The following CCDC141 variants were observed in gnomAD, a reference collection of about 807,000 sequenced individuals.
The protein encoded by CCDC141 is coiled-coil domain containing 141.
In CCDC141, 168 loss-of-function variants were observed where a neutral mutation model predicts 181.0. The ratio of observed to expected loss-of-function variants is 0.93; its 90% CI spans 0.82 to 1.05. The LOEUF (loss-of-function observed/expected upper bound fraction) is 1.05, where lower values mean the gene tolerates loss of function less well. Among genes scored for constraint, CCDC141 ranks in the 50% least tolerant of loss-of-function variants. The probability of loss-of-function intolerance (pLI) is 0.00; values close to 1 mark genes in which losing one functional copy is unlikely to be tolerated. For synonymous variants in CCDC141, 666 were observed against 642.3 expected (o/e 1.04, Z -0.56); for missense variants, 1,902 against 1,788.5 (o/e 1.06, Z -1.14).
Position 178,872,217 on chromosome 2 carries a change from G to A in CCDC141, c.1995C>T (p.Leu665=). 6.2e-7 allele frequency: 1 copy of A among 1,614,024 alleles called. No homozygotes were observed. ...NQKAEREELS[L]LRLAWQLKAT... ...CTTTAAGCTGCCATGCCAGCCGAAG[G>A]AGGCTAAGTTCTTCCCGTTCTGCTT... Residue 665 remains leucine, a synonymous_variant, in exon 13 of 24, where the codon CTC becomes CTT. Coordinates refer to ENST00000443758, the MANE Select transcript of CCDC141 (RefSeq NM_173648.4).
chr2:178,891,590 C>T (rs1351226990), intron 8 of CCDC141, among the ~76,000 whole-genome samples: 1 of 152,132 alleles, frequency 6.6e-6, no homozygotes, highest in East Asian at 1.9e-4. Context: ...GCAATGCCTG[C>T]TGTAGTTTTC....
chr2:178,946,039 T>C (rs903880142), intron 5 of CCDC141, among the ~76,000 whole-genome samples: 1 of 152,214 alleles, frequency 6.6e-6, no homozygotes, highest in African/African-American at 2.4e-5. Flanking sequence ...TTTCTGCTAA[T>C]TGGAAATGTC....
chr2:178,865,632 T>C, intron 17 of CCDC141, 135 bp downstream of exon 17: 1 of 856,182 alleles, frequency 1.2e-6, no homozygotes, highest in Non-Finnish European at 1.6e-6. Context: ...AAGAAATAAG[T>C]GAGAAGAAAG....
At chr2:178,935,115 A>G (rs951819103) in intron 6 of CCDC141, among the ~76,000 whole-genome samples, 8 of 151,980 alleles carry the variant, frequency 5.3e-5, no homozygotes, top group Admixed American at 1.3e-4. Flanking sequence ...TTTCACAAAC[A>G]TTTTCTTTTT....
chr2:179,009,227 G>C (rs1039384881), intron 2 of CCDC141, among the ~76,000 whole-genome samples: 2 of 152,098 alleles, frequency 1.3e-5, no homozygotes, highest in Non-Finnish European at 2.9e-5. Context: ...TTTTATATGA[G>C]TTTCTGCTGA....
Position 178,872,197 on chromosome 2 carries a change from A to G in CCDC141, c.2015T>C (p.Leu672Pro). 1 of 1,613,946 alleles carries G rather than the reference A, an allele frequency of 6.2e-7. No homozygotes were observed. The highest frequency in any genetic ancestry group is 8.5e-7 in the Non-Finnish European group (1 of 1,179,960). Reference sequence around the variant, plus strand: ...TCCAGGCTTGCTTTCCGTGGCTTTAAGCTGCCATGCCAGCCGAAGGAGGCT... The same window carrying G: ...TCCAGGCTTGCTTTCCGTGGCTTTAGGCTGCCATGCCAGCCGAAGGAGGCT... ...ELSLLRLAWQ[L>P]KATESKPGKQ... The change falls in exon 13 of 24, where the codon CTT becomes CCT. Residue 672 changes from leucine (L) to proline (P), a missense_variant. Transcript: ENST00000443758.
chr2:178,846,816 T>C (rs561900464), intron 21 of CCDC141, among the ~76,000 whole-genome samples: 1 of 152,332 alleles, frequency 6.6e-6, no homozygotes, highest in South Asian at 2.1e-4. Flanking sequence ...CTCAACATTA[T>C]TTGGAAATCA....
chr2:179,002,698 T>G (rs4893861), intron 2 of CCDC141: 1 of 157,174 alleles, frequency 6.4e-6, no homozygotes, highest in East Asian at 1.9e-4. Flanking sequence ...CAAAAAAATA[T>G]GCCAGGAGCA....
downstream of CCDC141, among the ~76,000 whole-genome samples, chr2:178,827,881 G>A (rs1206007566): frequency 6.6e-6 from 1 of 152,274 alleles, no homozygotes; most frequent in African/African-American, 2.4e-5. Flanking sequence ...AAAGTCCAAA[G>A]TCTAAGCCAA....
At chr2:179,043,666 G>T (rs1180876610) in intron 2 of CCDC141, among the ~76,000 whole-genome samples, 2 of 152,240 alleles carry the variant, frequency 1.3e-5, no homozygotes, top group African/African-American at 4.8e-5. Context: ...GGTATTGAAG[G>T]AACATACCTC....
chr2:178,961,889 T>C (rs1690417621), intron 4 of CCDC141, among the ~76,000 whole-genome samples: 1 of 152,146 alleles, frequency 6.6e-6, no homozygotes, highest in Admixed American at 6.5e-5. Flanking sequence ...AAAAACTCAA[T>C]AAATGTGGTG....
At position 178,856,385 on chromosome 2, in the gene CCDC141, A is replaced by G. The variant is rs1214250760; in HGVS notation, c.2737T>C (p.Phe913Leu). 1 of 1,590,740 alleles carries G rather than the reference A, an allele frequency of 6.3e-7. No individual in the cohort carries two copies. The highest frequency in any genetic ancestry group is 1.1e-5 in the South Asian group (1 of 89,154). Residue 913 changes from phenylalanine to leucine, a missense_variant, in exon 18 of 24, where the codon TTC becomes CTC. Physicochemically the swap from Phe to Leu is conservative, Grantham distance 22. Coordinates refer to ENST00000443758, the MANE Select transcript of CCDC141 (RefSeq NM_173648.4). The part of the protein sequence containing the change: ...RDEINELKDS[F>L]KDIKKKFNNL... The stretch of plus-strand genomic sequence containing the variant: ...TTGAATTTCTTTTTGATATCTTTGA[A>G]TGAGTCTTTGAGCTGTAGTTCAATA...
At position 178,877,980 on chromosome 2, in the gene CCDC141, AG is replaced by A. The variant is rs755678061; in HGVS notation, c.1882del (p.Asn629IlefsTer2). On this transcript the variant is annotated frameshift_variant, in exon 12 of 24. Coordinates refer to ENST00000443758, the MANE Select transcript of CCDC141 (RefSeq NM_173648.4). LOFTEE classifies it high-confidence loss of function. ...CATTCTTACCATATTTATTAAATTA[AG>A]GAACTCAAGCCCTAGATCTTGTGTT... ...FITQDLGLEF[L>X]NLINMAKENE... 4 of 1,613,334 alleles carry A rather than the reference AG, an allele frequency of 2.5e-6. No homozygotes were observed. In the Admixed American group the frequency reaches 6.7e-5, roughly 27 times the overall value.
intron 8 of CCDC141, among the ~76,000 whole-genome samples, chr2:178,902,197 T>C (rs1687729695): frequency 1.3e-5 from 2 of 152,296 alleles, no homozygotes; most frequent in South Asian, 2.1e-4. Context: ...AATTTATAGA[T>C]TCAATGCTAT....
At chr2:178,896,330 C>T (rs985729417) in intron 8 of CCDC141, among the ~76,000 whole-genome samples, 3 of 152,152 alleles carry the variant, frequency 2.0e-5, no homozygotes, top group South Asian at 4.1e-4. Context: ...ATCCACTGTA[C>T]TCATGGGCCC....
chr2:178,840,920 T>A (rs1575117379), intron 22 of CCDC141, among the ~76,000 whole-genome samples: 1 of 152,240 alleles, frequency 6.6e-6, no homozygotes, highest in African/African-American at 2.4e-5. Context: ...TCAAATCTTT[T>A]TCTGGAACCA....
In CCDC141 at chr2:178,956,173, G is replaced by A. The variant is rs546676790; in HGVS notation, c.780+5057C>T. On this transcript the variant is annotated intron_variant, in intron 5 of 23. Coordinates refer to ENST00000443758, the MANE Select transcript of CCDC141 (RefSeq NM_173648.4). ...AGCCAACAGTCTGGCCCCAGGATCC[G>A]TACTCTTACAAGCATAAAGAGACAA... 3.3e-5 allele frequency among the ~76,000 whole-genome samples: 5 copies of A among 152,278 alleles called. No homozygotes were observed. In the East Asian group the frequency reaches 5.8e-4, roughly 18 times the overall value.
intron 5 of CCDC141, among the ~76,000 whole-genome samples, chr2:178,946,014 A>C (rs191214256): frequency 1.3e-3 from 195 of 152,308 alleles, no homozygotes; most frequent in African/African-American, 4.4e-3. Context: ...TACAGGATGG[A>C]AGCATTTCTC....
At chr2:179,022,454 G>A (rs1001562505) in intron 2 of CCDC141, among the ~76,000 whole-genome samples, 2 of 152,050 alleles carry the variant, frequency 1.3e-5, no homozygotes, top group African/African-American at 4.8e-5. Context: ...GAGGAAAGAG[G>A]CAGCTTTTCT....
Sources: allele counts gnomAD v4.1 joint callset (sites outside exome capture counted in the v4.1 genomes callset), GRCh38; gene constraint gnomAD v4.1.1; transcripts MANE v1.5; gene names NCBI Gene and HGNC (gene_info 2026-07-23, HGNC 2026-07-21).